RGS7BP: variants seen among roughly 807,000 people sequenced by gnomAD.
RGS7BP encodes the protein regulator of G protein signaling 7-binding protein.
A neutral mutation model predicts 31.3 loss-of-function variants in RGS7BP; 9 were observed. The observed-to-expected ratio is 0.29, with a 90% CI of 0.17 to 0.50. The LOEUF (loss-of-function observed/expected upper bound fraction) is 0.50, where lower values mean the gene tolerates loss of function less well. RGS7BP is among the 20% of genes least tolerant of loss of function. RGS7BP has a pLI of 0.98. For synonymous variants in RGS7BP, 115 were observed against 120.1 expected (o/e 0.96, Z 0.28); for missense variants, 274 against 322.0 (o/e 0.85, Z 1.14).
At chr5:64,533,575 G>A (rs1482737328) in intron 2 of RGS7BP, among the ~76,000 whole-genome samples, 4 of 152,168 alleles carry the variant, frequency 2.6e-5, no homozygotes, top group Non-Finnish European at 5.9e-5. Flanking sequence ...GACAAAAAAA[G>A]TTATGAACCC....
At chr5:64,526,977 C>T (rs1000897707) in intron 2 of RGS7BP, among the ~76,000 whole-genome samples, 5 of 152,198 alleles carry the variant, frequency 3.3e-5, no homozygotes, top group African/African-American at 1.2e-4. Context: ...TGAGCAGTTA[C>T]ATAAAGAAGC....
chr5:64,548,832 C>T (rs1043266398), intron 2 of RGS7BP, among the ~76,000 whole-genome samples: 12 of 151,162 alleles, frequency 7.9e-5, no homozygotes, highest in Non-Finnish European at 1.2e-4. Flanking sequence ...TAAAAAAAGG[C>T]AAAGTCGAAA....
At chr5:64,585,490 T>C (rs1376674991) in intron 3 of RGS7BP, among the ~76,000 whole-genome samples, 2 of 151,584 alleles carry the variant, frequency 1.3e-5, no homozygotes, top group African/African-American at 2.4e-5. Context: ...GGAGAAAGGA[T>C]GGGAGAAATA....
At chr5:64,565,567 T>A (rs1014302203) in intron 2 of RGS7BP, among the ~76,000 whole-genome samples, 1 of 152,028 alleles carries the variant, frequency 6.6e-6, no homozygotes, top group Admixed American at 6.6e-5. Context: ...CAATCTCTAG[T>A]GATGAAATGG....
chr5:64,555,611 A>G (rs938876789), intron 2 of RGS7BP, among the ~76,000 whole-genome samples: 1 of 152,142 alleles, frequency 6.6e-6, no homozygotes, highest in Non-Finnish European at 1.5e-5. Flanking sequence ...GAAAATGATT[A>G]CCTGGGATTT....
intron 2 of RGS7BP, among the ~76,000 whole-genome samples, chr5:64,561,117 A>T (rs892809813): frequency 9.9e-5 from 15 of 152,080 alleles, no homozygotes; most frequent in African/African-American, 3.6e-4. Flanking sequence ...ACACTAGCTT[A>T]CACTAGCCTG....
chr5:64,577,311 G>A (rs895792797), intron 3 of RGS7BP, among the ~76,000 whole-genome samples: 1 of 151,792 alleles, frequency 6.6e-6, no homozygotes, highest in African/African-American at 2.4e-5. Context: ...GCTTGGTGGG[G>A]GGCGCCTGTA....
intron 2 of RGS7BP, among the ~76,000 whole-genome samples, chr5:64,528,943 AT>A (rs1749303531): frequency 6.6e-6 from 1 of 152,096 alleles, no homozygotes; most frequent in Admixed American, 6.6e-5. Context: ...CATAAGAAGT[AT>A]TCAATACAGG....
chr5:64,550,562 A>G lies in RGS7BP; in HGVS notation c.333-25212A>G, dbSNP rs181201494. ...TAATGTAGAATATTTCTCACTTTGT[A>G]AAACAAATGCATTTTTTTAATTTTA... On this transcript the variant is annotated intron_variant, in intron 2 of 5. Transcript: ENST00000334025. 4.8e-4 allele frequency among the ~76,000 whole-genome samples: 71 copies of G among 149,348 alleles called. 3 individuals are homozygous for G. The highest frequency in any genetic ancestry group is 1.8e-3 in the African/African-American group (71 of 39,720).
At chr5:64,530,499 T>C (rs1002962309) in intron 2 of RGS7BP, among the ~76,000 whole-genome samples, 2 of 152,196 alleles carry the variant, frequency 1.3e-5, no homozygotes, top group African/African-American at 4.8e-5. Context: ...AAATGAAGGC[T>C]CACAAAGATT....
chr5:64,515,920 C>T (rs1395548012), intron 2 of RGS7BP, among the ~76,000 whole-genome samples: 1 of 151,868 alleles, frequency 6.6e-6, no homozygotes, highest in South Asian at 2.1e-4. Flanking sequence ...GTGCATCAGC[C>T]TCCTGAGTAG....
chr5:64,547,308 C>T (rs73111042), intron 2 of RGS7BP, among the ~76,000 whole-genome samples: 2,405 of 152,226 alleles, frequency 0.016, 54 homozygotes, highest in African/African-American at 0.054. Context: ...ATAAATAAAG[C>T]TGAACAGTTT....
At chr5:64,540,527 C>G (rs1286575626) in intron 2 of RGS7BP, among the ~76,000 whole-genome samples, 1 of 151,984 alleles carries the variant, frequency 6.6e-6, no homozygotes, top group Non-Finnish European at 1.5e-5. Flanking sequence ...GTCAAATAAT[C>G]CTACATAAAA....
At chr5:64,553,014 G>C (rs538331735) in intron 2 of RGS7BP, among the ~76,000 whole-genome samples, 6 of 152,016 alleles carry the variant, frequency 3.9e-5, no homozygotes, top group African/African-American at 1.2e-4. Context: ...TGTCAGATTT[G>C]CACCTACAAC....
intron 2 of RGS7BP, among the ~76,000 whole-genome samples, chr5:64,535,158 G>C (rs1049985566): frequency 1.3e-5 from 2 of 152,198 alleles, no homozygotes; most frequent in African/African-American, 2.4e-5. Flanking sequence ...CTGGATTGGA[G>C]GGCTGAAGAG....
chr5:64,600,491 AT>A (rs1359352754), intron 5 of RGS7BP, among the ~76,000 whole-genome samples: 11 of 152,192 alleles, frequency 7.2e-5, no homozygotes, highest in Non-Finnish European at 8.8e-5. Context: ...AATAATTAGA[AT>A]TTTAATTACA....
intron 2 of RGS7BP, among the ~76,000 whole-genome samples, chr5:64,567,597 T>C (rs575113815): frequency 6.6e-6 from 1 of 152,290 alleles, no homozygotes; most frequent in Middle Eastern, 3.4e-3. Flanking sequence ...TCGGGATCAA[T>C]TGAATAATTT....
chr5:64,570,930 T>C (rs1242626753), intron 2 of RGS7BP, among the ~76,000 whole-genome samples: 1 of 152,100 alleles, frequency 6.6e-6, no homozygotes, highest in African/African-American at 2.4e-5. Context: ...CTTAGTTCAA[T>C]ATTTGCTTTT....
At chr5:64,545,440 A>G (rs923140481) in intron 2 of RGS7BP, among the ~76,000 whole-genome samples, 2 of 152,134 alleles carry the variant, frequency 1.3e-5, no homozygotes, top group Non-Finnish European at 2.9e-5. Context: ...GTCGGCTTTT[A>G]TCCTGAGGGC....
Sources: gnomAD v4.1 joint callset for allele counts (sites outside exome capture counted in the v4.1 genomes callset) on GRCh38, gnomAD v4.1.1 for gene constraint, MANE v1.5 for transcripts, NCBI Gene and HGNC (gene_info 2026-07-23, HGNC 2026-07-21) for gene names.